The following TAPT1 variants were observed in gnomAD, a reference collection of about 807,000 sequenced individuals.
The protein encoded by TAPT1 is transmembrane anterior posterior transformation 1, also known as transmembrane anterior posterior transformation protein 1 homolog.
A neutral mutation model predicts 65.6 loss-of-function variants in TAPT1; 28 were observed. The observed-to-expected ratio is 0.43, with a 90% CI of 0.32 to 0.59. The LOEUF is 0.59. Ranked by LOEUF, TAPT1 falls within the 20% of genes least tolerant of loss-of-function variation. The pLI, the probability that TAPT1 is intolerant of heterozygous loss-of-function variation, is 0.09. For synonymous variants in TAPT1, 278 were observed against 245.2 expected (o/e 1.13, Z -1.25); for missense variants, 563 against 679.9 (o/e 0.83, Z 1.91).
chr4:16,170,677 G>C lies in TAPT1; in HGVS notation c.1289C>G (p.Ala430Gly), dbSNP rs1365532788. 3 of 1,613,288 alleles carry C rather than the reference G, an allele frequency of 1.9e-6. No individual in the cohort carries two copies. In the South Asian group the frequency reaches 3.3e-5, roughly 18 times the overall value. Residue 430 changes from alanine (A) to glycine (G), a missense_variant, in exon 12 of 14, where the codon GCC (alanine) becomes GGC (glycine). By Grantham distance (60) the Ala-to-Gly change is moderately conservative. Transcript: ENST00000405303. ...CCCAAAATAGAAGAGTATGACACAGGCATAAGACAGGATTCCTTGCACTTT... is the reference window on the plus strand; with the variant it reads ...CCCAAAATAGAAGAGTATGACACAGCCATAAGACAGGATTCCTTGCACTTT... ...SIKVQGILSY[A>G]CVILFYFGLI...
intron 11 of TAPT1, among the ~76,000 whole-genome samples, chr4:16,173,168 A>G (rs1483087585): frequency 6.6e-6 from 1 of 152,138 alleles, no homozygotes; most frequent in Non-Finnish European, 1.5e-5. Flanking sequence ...AAGAAAGAAC[A>G]TAATCAAATA....
chr4:16,211,767 C>T lies in TAPT1; in HGVS notation c.330+2001G>A, dbSNP rs140754401. On this transcript the variant is annotated intron_variant, in intron 2 of 13. Transcript: ENST00000405303. Reference sequence around the variant, plus strand: ...GTATAGGCAATGTTCTCTAATACTTCTTCTATTTTCTTAAAAAAAAAATTC... The same window carrying T: ...GTATAGGCAATGTTCTCTAATACTTTTTCTATTTTCTTAAAAAAAAAATTC... 2.1e-3 allele frequency among the ~76,000 whole-genome samples: 313 copies of T among 152,156 alleles called. 2 individuals are homozygous for T. The highest frequency in any genetic ancestry group is 2.3e-3 in the Non-Finnish European group (156 of 67,996).
At chr4:16,164,402 C>G (rs181728247) in intron 13 of TAPT1, among the ~76,000 whole-genome samples, 1 of 152,262 alleles carries the variant, frequency 6.6e-6, no homozygotes, top group East Asian at 1.9e-4. Flanking sequence ...CTTCAACACC[C>G]TCCTGCATGT....
chr4:16,174,593 G>T, intron 10 of TAPT1, 77 bp downstream of exon 10: 1 of 1,295,586 alleles, frequency 7.7e-7, no homozygotes, highest in Non-Finnish European at 1.1e-6. Flanking sequence ...AATATTTCAT[G>T]CTAAATTAAT....
chr4:16,206,633 A>G (rs1168434579), intron 2 of TAPT1, among the ~76,000 whole-genome samples: 1 of 152,108 alleles, frequency 6.6e-6, no homozygotes. Context: ...GAAGCACCAC[A>G]GCAGGCTGCA....
intron 8 of TAPT1, among the ~76,000 whole-genome samples, chr4:16,178,736 C>T (rs1748509573): frequency 6.6e-6 from 1 of 152,204 alleles, no homozygotes; most frequent in Admixed American, 6.5e-5. Flanking sequence ...GGAGTCTTGA[C>T]AATTTCCTGT....
chr4:16,166,520 C>T (rs1747630977), intron 13 of TAPT1, 113 bp downstream of exon 13: 12 of 1,356,548 alleles, frequency 8.8e-6, no homozygotes, highest in African/African-American at 1.5e-5. Context: ...TTAAAAGACC[C>T]AAAAATCTAT....
At chr4:16,176,364 T>C (rs1748324343) in intron 8 of TAPT1, 136 bp from the exon 9 acceptor site, 1 of 562,582 alleles carries the variant, frequency 1.8e-6, no homozygotes, top group Non-Finnish European at 3.1e-6. Context: ...CATTCAATTA[T>C]AACCTTTATC....
chr4:16,166,622 AC>A lies in TAPT1; in HGVS notation c.1474+10del, dbSNP rs781546402. ...ATGATCCAGGGAAGTGAAGAAAGGG[AC>A]CAAACCTACCTTGAGAGGGTTTACA... On this transcript the variant is annotated intron_variant, in intron 13 of 13. Transcript: ENST00000405303. 6.8e-5 allele frequency: 110 copies of A among 1,612,360 alleles called. 1 individual carries two copies. In the South Asian group the frequency reaches 8.8e-4, roughly 13 times the overall value.
chr4:16,174,546 G>A, intron 10 of TAPT1, 124 bp downstream of exon 10: 1 of 824,976 alleles, frequency 1.2e-6, no homozygotes, highest in Non-Finnish European at 1.9e-6. Context: ...GTTGAGAATA[G>A]AGATCAGTAG....
intron 2 of TAPT1, among the ~76,000 whole-genome samples, chr4:16,204,906 A>G (rs1750252637): frequency 6.6e-6 from 1 of 152,254 alleles, no homozygotes; most frequent in African/African-American, 2.4e-5. Context: ...TAAGTTTTTA[A>G]CATCTGAACT....
At chr4:16,205,221 G>A (rs1750270105) in intron 2 of TAPT1, among the ~76,000 whole-genome samples, 1 of 152,140 alleles carries the variant, frequency 6.6e-6, no homozygotes, top group Non-Finnish European at 1.5e-5. Flanking sequence ...AAAATGTTAT[G>A]GCTAAAATGA....
At chr4:16,209,391 G>A (rs1750530647) in intron 2 of TAPT1, among the ~76,000 whole-genome samples, 1 of 152,192 alleles carries the variant, frequency 6.6e-6, no homozygotes, top group East Asian at 1.9e-4. Flanking sequence ...CACTGCAAAA[G>A]TGCCTTCTTG....
rs546155198 is a variant in TAPT1 at position 16,185,734 on chromosome 4, T to C, written c.916+801A>G. On this transcript the variant is annotated intron_variant, in intron 7 of 13. Coordinates refer to ENST00000405303, the MANE Select transcript of TAPT1 (RefSeq NM_153365.3). ...ACCAAAAAGTCTGACAAGCGCTGCT[T>C]TGGATGAGCCATGTGTGCTCTTATC... Among the ~76,000 whole-genome samples, 5 of 152,216 alleles carry C rather than the reference T, an allele frequency of 3.3e-5. No homozygotes were observed. In the South Asian group the frequency reaches 8.3e-4, roughly 25 times the overall value.
intron 8 of TAPT1, 101 bp from the exon 9 acceptor site, chr4:16,176,329 GTA>G (rs1341682029): frequency 1.7e-6 from 1 of 592,302 alleles, no homozygotes; most frequent in Non-Finnish European, 2.9e-6. Context: ...CAAAACTGTA[GTA>G]TTTTCAGTAA....
rs1245129010 is a variant in TAPT1 at position 16,161,685 on chromosome 4, G to C, written c.*1623C>G. 2 of 152,098 alleles carry C rather than the reference G, an allele frequency of 1.3e-5. No individual in the cohort carries two copies. Among genetic ancestry groups the C allele is most frequent in the Admixed American group, 6.5e-5 (1 of 15,270 alleles). The allele number at this position is 152,098 out of a possible 1,614,324, so 9.4% of individuals were successfully genotyped here. On this transcript the variant is annotated 3_prime_UTR_variant, in exon 14 of 14. Coordinates refer to ENST00000405303, the MANE Select transcript of TAPT1 (RefSeq NM_153365.3). The stretch of plus-strand genomic sequence containing the variant: ...TAAAATACTTCCTGGTTTCACAAAG[G>C]CATGTCCATACAATTTCCTCAACAT...
chr4:16,219,572 A>C (rs921996987), intron 1 of TAPT1, among the ~76,000 whole-genome samples: 7 of 152,214 alleles, frequency 4.6e-5, no homozygotes, highest in Admixed American at 2.6e-4. Flanking sequence ...ACAACAACAA[A>C]GTTTCATAAG....
At chr4:16,167,483 G>A (rs913879346) in intron 12 of TAPT1, among the ~76,000 whole-genome samples, 3 of 151,990 alleles carry the variant, frequency 2.0e-5, no homozygotes, top group Non-Finnish European at 4.4e-5. Context: ...TCTTTCCGTC[G>A]CTTTCTCTGA....
At chr4:16,176,292 T>G (rs1748319356) in intron 8 of TAPT1, 64 bp from the exon 9 acceptor site, 1 of 779,516 alleles carries the variant, frequency 1.3e-6, no homozygotes, top group Admixed American at 3.2e-5. Context: ...TATCACAGGC[T>G]ACCAGAGAAA....
Sources: allele counts gnomAD v4.1 joint callset (sites outside exome capture counted in the v4.1 genomes callset), GRCh38; gene constraint gnomAD v4.1.1; transcripts MANE v1.5; gene names NCBI Gene and HGNC (gene_info 2026-07-23, HGNC 2026-07-21).